The following USB1 variants were observed in gnomAD, a reference collection of about 807,000 sequenced individuals.
USB1 encodes U6 snRNA phosphodiesterase 1.
A neutral mutation model predicts 29.9 loss-of-function variants in USB1; 21 were observed. That is an observed-to-expected ratio of 0.70 (90% CI 0.50 to 1.01). USB1 has a LOEUF of 1.01. Among genes scored for constraint, USB1 ranks in the 50% least tolerant of loss-of-function variants. The pLI, the probability that USB1 is intolerant of heterozygous loss-of-function variation, is 0.00. For missense variants in USB1, 330 were observed against 347.1 expected (o/e 0.95, Z 0.39); for synonymous variants, 143 against 134.9 (o/e 1.06, Z -0.42).
intron 3 of USB1, chr16:58,012,104 A>C (rs1185451882): frequency 2.9e-6 from 4 of 1,391,224 alleles, no homozygotes; most frequent in Admixed American, 3.0e-5. Context: ...CCATAGGCCC[A>C]GGAATTCCAT....
At chr16:58,000,222 C>A (rs1327685141), upstream of USB1, among the ~76,000 whole-genome samples, 1 of 152,052 alleles carries the variant, frequency 6.6e-6, no homozygotes, top group African/African-American at 2.4e-5. The surrounding 1 kb of genome is among the most constrained non-coding windows in gnomAD (Gnocchi z 4.5). Context: ...GGCCCCAGGG[C>A]TACAGGCCGG....
intron 2 of USB1, among the ~76,000 whole-genome samples, chr16:58,006,380 A>C (rs940904575): frequency 6.8e-6 from 1 of 146,364 alleles, no homozygotes; most frequent in African/African-American, 2.5e-5. Flanking sequence ...AAAAAAAAAA[A>C]CGGACACAGT....
intron 1 of USB1, among the ~76,000 whole-genome samples, 199 bp from the exon 2 acceptor site, chr16:58,002,280 C>T (rs559579578): frequency 6.6e-6 from 1 of 151,962 alleles, no homozygotes; most frequent in Non-Finnish European, 1.5e-5. Context: ...CCCATGGGGA[C>T]CTTGTGCCCC....
chr16:58,015,761 G>A (rs916494398), intron 4 of USB1: 2 of 152,172 alleles, frequency 1.3e-5, no homozygotes, highest in Admixed American at 6.6e-5. Context: ...CTTGGGAAGA[G>A]CTGTTGCAAG....
chr16:58,001,341 C>T, upstream of USB1: 1 of 934,150 alleles, frequency 1.1e-6, no homozygotes, highest in Non-Finnish European at 1.7e-6. Context: ...CACTGTCCTG[C>T]CGGGTTCCGC....
chr16:58,016,090 G>A (rs1963608974), intron 4 of USB1: 1 of 152,912 alleles, frequency 6.5e-6, no homozygotes, highest in African/African-American at 2.4e-5. Context: ...TGGATGCAGG[G>A]AAACCAGAGA....
chr16:58,005,704 C>T (rs1013970488), intron 2 of USB1, among the ~76,000 whole-genome samples: 1 of 152,176 alleles, frequency 6.6e-6, no homozygotes, highest in Non-Finnish European at 1.5e-5. Context: ...CTCGTGCCCT[C>T]GGTCTCTTGC....
Position 58,020,313 on chromosome 16 carries a change from C to T in USB1, c.*68C>T, listed in dbSNP as rs967273752. 1.2e-4 allele frequency: 177 copies of T among 1,494,974 alleles called. No homozygotes were observed. The highest frequency in any genetic ancestry group is 3.0e-4 in the East Asian group (13 of 43,592). The allele number at this position is 1,494,974 out of a possible 1,614,324, so 92.6% of individuals were successfully genotyped here. ...CTGAGATGGAGGAACCTGCTAAAAT[C>T]GATGGAGATGCTTCTAGCCTCCCAG... On this transcript the variant is annotated 3_prime_UTR_variant, in exon 7 of 7. Coordinates refer to ENST00000219281, the MANE Select transcript of USB1 (RefSeq NM_024598.4).
rs568472579 is a variant in USB1 at position 58,001,705 on chromosome 16, C to T, written c.98+124C>T. 8.0e-6 allele frequency: 9 copies of T among 1,125,630 alleles called. No homozygotes were observed. The East Asian group carries it at 1.8e-4, about 23-fold the overall frequency. The allele number at this position is 1,125,630 out of a possible 1,614,324, so 69.7% of individuals were successfully genotyped here. ...GGCGGCTCTGGGAAGGAAAAGGGGA[C>T]GCAGGAAGAAAGGAGGATCCAGAAG... On this transcript the variant is annotated intron_variant, in intron 1 of 6. Transcript: ENST00000219281.
intron 1 of USB1, 153 bp downstream of exon 1, chr16:58,001,734 T>C: frequency 1.1e-6 from 1 of 936,850 alleles, no homozygotes; most frequent in Non-Finnish European, 1.6e-6. Context: ...CCAGAAGATA[T>C]ACCCCTCCCC....
chr16:58,007,019 A>G (rs1392868935), intron 2 of USB1, among the ~76,000 whole-genome samples: 2 of 152,192 alleles, frequency 1.3e-5, no homozygotes, highest in East Asian at 3.8e-4. Flanking sequence ...GATTACATTA[A>G]TTGATTTTTG....
intron 2 of USB1, among the ~76,000 whole-genome samples, chr16:58,003,751 T>G (rs962497084): frequency 6.6e-6 from 1 of 152,234 alleles, no homozygotes; most frequent in Non-Finnish European, 1.5e-5. Context: ...TTAATAAATT[T>G]TAATCATTTT....
chr16:58,010,890 G>T, intron 3 of USB1: 1 of 650,800 alleles, frequency 1.5e-6, no homozygotes, highest in Non-Finnish European at 2.8e-6. Context: ...AAATTTTTAC[G>T]GAGGCTTCAT....
upstream of USB1, chr16:58,000,313 GC>G (rs1555497366): frequency 6.6e-6 from 1 of 151,804 alleles, no homozygotes; most frequent in Non-Finnish European, 1.5e-5. This position sits in a 1 kb window ranked among gnomAD's most constrained non-coding sequence, Gnocchi z 4.5. Context: ...GCGGAGGGGC[GC>G]GGGGGGGCGG....
At chr16:58,020,116 G>C (rs576904006) in intron 6 of USB1, 25 bp from the exon 7 acceptor site, 3 of 1,613,066 alleles carry the variant, frequency 1.9e-6, no homozygotes, top group African/African-American at 2.7e-5. Context: ...TAATGTGACT[G>C]TCCTCCCCTG....
At chr16:58,011,681 C>G in intron 3 of USB1, 1 of 987,910 alleles carries the variant, frequency 1.0e-6, no homozygotes, top group African/African-American at 1.7e-5. Flanking sequence ...ATCCAGAGAT[C>G]AGTTGGTCCT....
In USB1 at chr16:58,020,230, G is replaced by A. The variant is rs779320272; in HGVS notation, c.783G>A (p.Ser261=). Residue 261 remains serine, a synonymous_variant, in exon 7 of 7, where the codon TCG becomes TCA. Transcript: ENST00000219281. Reference sequence around the variant, plus strand: ...GCAAGTCTGGGAACAAGTTCTTCTCGATGCCTTTGAAGTGAGCACCAGAGG... The same window carrying A: ...GCAAGTCTGGGAACAAGTTCTTCTCAATGCCTTTGAAGTGAGCACCAGAGG... ...VRCKSGNKFF[S]MPLK 12 of 1,614,048 alleles carry A rather than the reference G, an allele frequency of 7.4e-6. No individual in the cohort carries two copies. The African/African-American group carries it at 1.1e-4, about 14-fold the overall frequency.
In USB1 at chr16:58,002,486, A is replaced by G. The variant is rs138405924; in HGVS notation, c.106A>G (p.Ser36Gly). 708 of 1,613,892 alleles carry G rather than the reference A, an allele frequency of 4.4e-4. No homozygotes were observed. The highest frequency in any genetic ancestry group is 5.5e-4 in the Non-Finnish European group (653 of 1,180,050). Reference sequence around the variant, plus strand: ...TCTTTTTTTCTTTTGCAGTGGCCAGAGCCCCCTTCCCAGGCAGAGATTTCC... The same window carrying G: ...TCTTTTTTTCTTTTGCAGTGGCCAGGGCCCCCTTCCCAGGCAGAGATTTCC... The part of the protein sequence containing the change: ...PGDGSHRRGQ[S>G]PLPRQRFPVP... Residue 36 changes from serine (S) to glycine (G), a missense_variant, in exon 2 of 7, where the codon AGC becomes GGC. Physicochemically the swap from Ser to Gly is moderately conservative, Grantham distance 56 (BLOSUM62 0). Transcript: ENST00000219281.
chr16:58,006,039 G>A (rs556521732), intron 2 of USB1, among the ~76,000 whole-genome samples: 26 of 152,074 alleles, frequency 1.7e-4, no homozygotes, highest in African/African-American at 1.4e-4. Flanking sequence ...GATTTTCTCC[G>A]TAGACAATTA....
Sources: gnomAD v4.1 joint callset for allele counts (sites outside exome capture counted in the v4.1 genomes callset) on GRCh38, gnomAD v4.1.1 for gene constraint, Gnocchi (gnomAD v3.1) non-coding constraint, MANE v1.5 for transcripts, NCBI Gene and HGNC (gene_info 2026-07-23, HGNC 2026-07-21) for gene names.